Variants in SLC25A13 observed in about 807,000 individuals in gnomAD.
SLC25A13 encodes electrogenic aspartate/glutamate antiporter SLC25A13, mitochondrial.
SLC25A13 carries 70 observed loss-of-function variants against 85.5 expected under a neutral mutation model. The ratio of observed to expected loss-of-function variants is 0.82; its 90% confidence interval spans 0.68 to 1.00. SLC25A13 has a LOEUF of 1.00. SLC25A13 is among the 50% of genes least tolerant of loss of function. The pLI is 0.00. For synonymous variants in SLC25A13, 259 were observed against 288.7 expected, an observed-to-expected ratio of 0.90 and a Z score of 1.04; for missense variants, 765 against 819.8, an observed-to-expected ratio of 0.93 and a Z score of 0.82.
intron 4 of SLC25A13, among the ~76,000 whole-genome samples, chr7:96,229,174 G>A (rs1007028638): frequency 3.3e-5 from 5 of 152,238 alleles, no homozygotes; most frequent in Non-Finnish European, 7.3e-5. Flanking sequence ...CTGGGCTCCT[G>A]AGTCGGGTGG....
rs73405005 is a variant in SLC25A13 at position 96,264,187 on chromosome 7, C to T, written c.212+13009G>A. Among the ~76,000 whole-genome samples the T allele has an allele frequency of 9.4e-3, 1,438 of 152,252 alleles. 23 individuals carry two copies. Among genetic ancestry groups the T allele is most frequent in the African/African-American group, 0.032 (1,317 of 41,538 alleles). ...CCAACCCTTACTACCTGGGCCTGAA[C>T]GACTGGCCTTATCTGAAAAACATAC... is the stretch of plus-strand genomic sequence containing the variant. On this transcript the variant is annotated intron_variant, in intron 3 of 17. Coordinates refer to ENST00000265631, the MANE Select transcript of SLC25A13 (RefSeq NM_014251.3).
intron 13 of SLC25A13, among the ~76,000 whole-genome samples, chr7:96,165,105 A>C (rs999912343): frequency 6.6e-6 from 1 of 152,210 alleles, no homozygotes; most frequent in African/African-American, 2.4e-5. Context: ...AGTCCTCAGG[A>C]TACATCAATG....
At chr7:96,203,711 A>T (rs1795349744) in intron 5 of SLC25A13, among the ~76,000 whole-genome samples, 2 of 151,402 alleles carry the variant, frequency 1.3e-5, no homozygotes, top group Admixed American at 1.3e-4. Context: ...GACTGTTTTC[A>T]AATTAAAGTA....
intron 4 of SLC25A13, among the ~76,000 whole-genome samples, chr7:96,224,101 T>G (rs56010209): frequency 0.011 from 1,719 of 152,286 alleles, 34 homozygotes; most frequent in African/African-American, 0.04. Flanking sequence ...ACTCACAACA[T>G]GTCTGTACCA....
At chr7:96,140,654 C>A (rs1258723735) in intron 14 of SLC25A13, among the ~76,000 whole-genome samples, 1 of 151,958 alleles carries the variant, frequency 6.6e-6, no homozygotes, top group Non-Finnish European at 1.5e-5. Flanking sequence ...CTGCCCGCAT[C>A]GGTCTCCCAC....
At position 96,303,070 on chromosome 7, in the gene SLC25A13, A is replaced by G. The variant is rs184871758; in HGVS notation, c.16-6119T>C. ...AATCAAATGAAAATTTCTAGAATGG[A>G]TATCTTTAGAGCTCCCTCAAGAAAT... On this transcript the variant is annotated intron_variant, in intron 1 of 17. Coordinates refer to ENST00000265631, the MANE Select transcript of SLC25A13 (RefSeq NM_014251.3). Among the ~76,000 whole-genome samples the G allele has an allele frequency of 5.6e-3, 858 of 152,284 alleles. 14 individuals carry two copies. In the Middle Eastern group the frequency reaches 0.065, roughly 11 times the overall value.
chr7:96,130,785 C>T lies in SLC25A13; in HGVS notation c.1591+958G>A, dbSNP rs771391922. Among the ~76,000 whole-genome samples the T allele has an allele frequency of 1.1e-4, 16 of 152,188 alleles. No homozygotes were observed. In the South Asian group the frequency reaches 2.1e-3, roughly 20 times the overall value. On this transcript the variant is annotated intron_variant, in intron 15 of 17. Transcript: ENST00000265631. ...CTGAGGTTTCTAAGCAGCCAGGAAA[C>T]AGTAGCCCTGCCTTATATACCAATA... is the stretch of plus-strand genomic sequence containing the variant.
rs776667392 is a variant in SLC25A13, at chr7:96,208,917, T to G, written c.389A>C (p.Asp130Ala). Residue 130 changes from aspartate to alanine, a missense_variant, in exon 5 of 18, where the codon GAT becomes GCT. Physicochemically the swap from Asp to Ala is moderately radical, Grantham distance 126 (BLOSUM62 -2). Coordinates refer to ENST00000265631, the MANE Select transcript of SLC25A13 (RefSeq NM_014251.3). ...TIHQHIPFNW[D>A]SEFVQLHFGK... ...AAAATGTAGTTGCACAAATTCTGAA[T>G]CCCAGTTAAATGGAATATGTTGATG... 6.2e-7 allele frequency: 1 copy of G among 1,614,106 alleles called. No homozygotes were observed. The highest frequency in any genetic ancestry group is 8.5e-7 in the Non-Finnish European group (1 of 1,179,990).
intron 3 of SLC25A13, among the ~76,000 whole-genome samples, chr7:96,244,602 A>AT (rs1421088527): frequency 4.6e-5 from 7 of 152,178 alleles, no homozygotes; most frequent in African/African-American, 1.7e-4. Context: ...GATGCCTTTC[A>AT]TTCTAAAATC....
chr7:96,283,404 T>C (rs1798760159), intron 2 of SLC25A13: 6 of 405,646 alleles, frequency 1.5e-5, no homozygotes, highest in South Asian at 1.3e-4. Flanking sequence ...ATATGTTCTG[T>C]AGGCCTTTTA....
At chr7:96,189,699 G>GAAA (rs1166322952) in intron 7 of SLC25A13, 25 bp from the exon 8 acceptor site, 1 of 1,595,982 alleles carries the variant, frequency 6.3e-7, no homozygotes, top group Non-Finnish European at 8.6e-7. Flanking sequence ...AGTTAAAAGG[G>GAAA]AAAGATTCAA....
chr7:96,220,988 C>T (rs1454305077), intron 4 of SLC25A13, among the ~76,000 whole-genome samples: 1 of 152,146 alleles, frequency 6.6e-6, no homozygotes, highest in Non-Finnish European at 1.5e-5. Context: ...TCTTTTCTCC[C>T]CCTCTCTATT....
chr7:96,183,140 G>A (rs951046524), intron 11 of SLC25A13, among the ~76,000 whole-genome samples: 7 of 152,186 alleles, frequency 4.6e-5, no homozygotes, highest in Non-Finnish European at 1.0e-4. Context: ...TGTAAGAAGA[G>A]GCAGGGGATA....
chr7:96,277,345 A>C lies in SLC25A13; in HGVS notation c.70-7T>G. On this transcript the variant is annotated splice_region_variant and splice_polypyrimidine_tract_variant and intron_variant, in intron 2 of 17. Coordinates refer to ENST00000265631, the MANE Select transcript of SLC25A13 (RefSeq NM_014251.3). ...TTTTCTCAATGCTTGCATACTGTTTAAAAAAAAGAAAAACAGTATTTTATA... is the reference window on the plus strand; with the variant it reads ...TTTTCTCAATGCTTGCATACTGTTTCAAAAAAAGAAAAACAGTATTTTATA... 1 of 1,604,066 alleles carries C rather than the reference A, an allele frequency of 6.2e-7. No homozygotes were observed.
Position 96,246,499 on chromosome 7 carries a change from T to G in SLC25A13, c.213-11582A>C, listed in dbSNP as rs7808566. Among the ~76,000 whole-genome samples the G allele has an allele frequency of 3.1e-3, 461 of 149,218 alleles. 2 individuals carry two copies. The highest frequency in any genetic ancestry group is 5.4e-3 in the Non-Finnish European group (360 of 67,166). ...ACAAAAAGTGACAAGAACATGCTAT[T>G]TTCTTGCATCTGCCGTTGATCAATT... On this transcript the variant is annotated intron_variant, in intron 3 of 17. Coordinates refer to ENST00000265631, the MANE Select transcript of SLC25A13 (RefSeq NM_014251.3).
At chr7:96,158,614 A>C (rs1447749819) in intron 13 of SLC25A13, among the ~76,000 whole-genome samples, 1 of 152,252 alleles carries the variant, frequency 6.6e-6, no homozygotes, top group Non-Finnish European at 1.5e-5. Flanking sequence ...AGAATATCTA[A>C]TTGCACACTG....
chr7:96,243,920 G>A (rs1461535687), intron 3 of SLC25A13, among the ~76,000 whole-genome samples: 3 of 152,216 alleles, frequency 2.0e-5, no homozygotes, highest in South Asian at 4.1e-4. Context: ...GCTGTTGAAG[G>A]GTTTTATGCA....
intron 1 of SLC25A13, among the ~76,000 whole-genome samples, chr7:96,321,483 C>T (rs1385855066): frequency 1.3e-5 from 2 of 152,176 alleles, no homozygotes; most frequent in African/African-American, 4.8e-5. Flanking sequence ...GAGGGCGGAG[C>T]CCTTGAAACG....
At chr7:96,134,793 T>TTACATATATATATATATATATATATATA (rs1792193503) in intron 14 of SLC25A13, among the ~76,000 whole-genome samples, 1 of 102,250 alleles carries the variant, frequency 9.8e-6, no homozygotes, top group African/African-American at 4.1e-5. Context: ...ACAAACAATT[T>TTACATATATATATATATATATATATATA]TATATATATA....
Sources: allele counts gnomAD v4.1 joint callset (sites outside exome capture counted in the v4.1 genomes callset), GRCh38; gene constraint gnomAD v4.1.1; transcripts MANE v1.5; gene names NCBI Gene and HGNC (gene_info 2026-07-23, HGNC 2026-07-21).